CBX7: variants seen among roughly 807,000 people sequenced by gnomAD.
CBX7 encodes chromobox 7, also known as chromobox protein homolog 7.
CBX7 carries 14 observed loss-of-function variants against 31.4 expected under a neutral mutation model. The observed-to-expected ratio is 0.45, with a 90% CI of 0.29 to 0.70. CBX7 has a LOEUF of 0.70. Among genes scored for constraint, CBX7 ranks in the 30% least tolerant of loss-of-function variants. CBX7 has a pLI of 0.11. For synonymous variants in CBX7, 159 were observed against 152.6 expected (o/e 1.04, Z -0.31); for missense variants, 269 against 351.9 (o/e 0.76, Z 1.89).
chr22:39,149,607 A>G (rs1211701149), intron 2 of CBX7, 182 bp downstream of exon 2: 3 of 621,842 alleles, frequency 4.8e-6, no homozygotes, highest in Non-Finnish European at 8.6e-6. Context: ...ACCCACCTTG[A>G]CCCTCCTGTG....
chr22:39,133,846 C>T lies in CBX7; in HGVS notation c.*45G>A, dbSNP rs1930135125. 1.3e-6 allele frequency: 2 copies of T among 1,521,752 alleles called. No homozygotes were observed. Among genetic ancestry groups the T allele is most frequent in the Non-Finnish European group, 1.8e-6 (2 of 1,126,512 alleles). 94.3% of individuals were successfully genotyped at this position (1,521,752 alleles called of 1,614,324 possible). A position where few individuals can be genotyped will look rare whatever the true frequency, so the allele number is the denominator to read the frequency against. On this transcript the variant is annotated 3_prime_UTR_variant, in exon 6 of 6. Coordinates refer to ENST00000216133, the MANE Select transcript of CBX7 (RefSeq NM_175709.5). ...CCATCCCTATCTCTGGAAGTCCCACCCCAAGCCCAAAAGAAAACAGTTTAA... is the reference window on the plus strand; with the variant it reads ...CCATCCCTATCTCTGGAAGTCCCACTCCAAGCCCAAAAGAAAACAGTTTAA...
At chr22:39,151,309 G>A (rs543728864) in intron 1 of CBX7, among the ~76,000 whole-genome samples, 9 of 151,934 alleles carry the variant, frequency 5.9e-5, no homozygotes, top group African/African-American at 1.4e-4. Flanking sequence ...AGGAAGAAAA[G>A]ATGCTCCTGA....
rs1276448152 is a variant in CBX7 at position 39,132,866 on chromosome 22, G to A, written c.*1025C>T. On this transcript the variant is annotated 3_prime_UTR_variant, in exon 6 of 6. Transcript: ENST00000216133. ...AAAGAACAAGAACCCCTCACGGGAG[G>A]AAGGACAGGGTCCAGACGTCTCAAA... 1 of 152,630 alleles carries A rather than the reference G, an allele frequency of 6.6e-6. No individual in the cohort carries two copies. The highest frequency in any genetic ancestry group is 2.4e-5 in the African/African-American group (1 of 41,430). The allele number at this position is 152,630 out of a possible 1,614,324, so 9.5% of individuals were successfully genotyped here.
At position 39,131,080 on chromosome 22, in the gene CBX7, G is replaced by A. The variant is rs1387339104; in HGVS notation, c.*2811C>T. Reference sequence around the variant, plus strand: ...CCTGGTGGCCGCAGCTGGCCACTTCGAAAGCAAAAGCTAAACCACCTCACA... The same window carrying A: ...CCTGGTGGCCGCAGCTGGCCACTTCAAAAGCAAAAGCTAAACCACCTCACA... On this transcript the variant is annotated 3_prime_UTR_variant, in exon 6 of 6. Coordinates refer to ENST00000216133, the MANE Select transcript of CBX7 (RefSeq NM_175709.5). 1.3e-5 allele frequency: 2 copies of A among 152,596 alleles called. No individual in the cohort carries two copies. Among genetic ancestry groups the A allele is most frequent in the East Asian group, 3.9e-4 (2 of 5,186 alleles). 9.5% of individuals were successfully genotyped at this position (152,596 alleles called of 1,614,324 possible). A position where few individuals can be genotyped will look rare whatever the true frequency, so the allele number is the denominator to read the frequency against.
rs937692755 is a variant in CBX7 at position 39,132,654 on chromosome 22, G to C, written c.*1237C>G. 6.5e-6 allele frequency: 1 copy of C among 152,946 alleles called. No individual in the cohort carries two copies. Among genetic ancestry groups the C allele is most frequent in the African/African-American group, 2.4e-5 (1 of 41,462 alleles). The allele number at this position is 152,946 out of a possible 1,614,324, so 9.5% of individuals were successfully genotyped here. ...AGGAATACAGCTCAGCCCCAGCTGT[G>C]GCATTTAGGTTGGATGGGGAGGGGA... On this transcript the variant is annotated 3_prime_UTR_variant, in exon 6 of 6. Coordinates refer to ENST00000216133, the MANE Select transcript of CBX7 (RefSeq NM_175709.5).
intron 1 of CBX7, among the ~76,000 whole-genome samples, chr22:39,151,172 A>C (rs1930837251): frequency 6.6e-6 from 1 of 152,274 alleles, no homozygotes; most frequent in South Asian, 2.1e-4. Context: ...CAGGCTACAC[A>C]GCACGAAAAG....
chr22:39,141,867 G>A (rs9622960), intron 2 of CBX7, among the ~76,000 whole-genome samples: 12,122 of 152,154 alleles, frequency 0.08, 593 homozygotes, highest in African/African-American at 0.13. Context: ...AGGTGTCATT[G>A]TCACCTACTT....
At chr22:39,136,929 C>G (rs375479195) in intron 4 of CBX7, among the ~76,000 whole-genome samples, 1 of 152,194 alleles carries the variant, frequency 6.6e-6, no homozygotes, top group Admixed American at 6.5e-5. Flanking sequence ...AGGCCCACCC[C>G]CTCTGGCGAA....
Position 39,135,022 on chromosome 22 carries a change from A to C in CBX7, c.247-270T>G, listed in dbSNP as rs1472509420. On this transcript the variant is annotated intron_variant, in intron 4 of 5. Coordinates refer to ENST00000216133, the MANE Select transcript of CBX7 (RefSeq NM_175709.5). The stretch of plus-strand genomic sequence containing the variant: ...TTACTCCTTTGATACCCAGCAGAGA[A>C]GCATACAAGAAGGACAAACTGAAAA... 3.5e-5 allele frequency: 15 copies of C among 426,810 alleles called. No homozygotes were observed. In the East Asian group the frequency reaches 5.0e-4, roughly 14 times the overall value. The allele number at this position is 426,810 out of a possible 1,614,324, so 26.4% of individuals were successfully genotyped here. A position where few individuals can be genotyped will look rare whatever the true frequency, so the allele number is the denominator to read the frequency against.
In CBX7 at chr22:39,152,489, G is replaced by A. The variant is rs1398834270; in HGVS notation, c.-45C>T. The A allele has an allele frequency of 2.2e-6, 2 of 890,598 alleles. No homozygotes were observed. Among genetic ancestry groups the A allele is most frequent in the Non-Finnish European group, 2.7e-6 (2 of 738,832 alleles). The allele number at this position is 890,598 out of a possible 1,614,324, so 55.2% of individuals were successfully genotyped here. ...GGCCCGGGGCCGGGCCGGGCCGGGG[G>A]CGGAGCTGCGGGGCCGCGGCTGCGG... On this transcript the variant is annotated 5_prime_UTR_variant, in exon 1 of 6. Coordinates refer to ENST00000216133, the MANE Select transcript of CBX7 (RefSeq NM_175709.5). This position sits in a 1 kb window ranked among gnomAD's most constrained non-coding sequence, Gnocchi z 4.9.
chr22:39,138,612 G>A (rs1930339716), intron 4 of CBX7, 24 bp downstream of exon 4: 2 of 1,612,800 alleles, frequency 1.2e-6, no homozygotes. Context: ...GGGGAGAAAG[G>A]AGGCACAAAG....
chr22:39,137,930 C>T (rs1182630146), intron 4 of CBX7, among the ~76,000 whole-genome samples: 1 of 152,012 alleles, frequency 6.6e-6, no homozygotes, highest in African/African-American at 2.4e-5. Flanking sequence ...GCCTGTAATC[C>T]CAGCACTTTG....
chr22:39,144,602 C>T (rs1178414510), intron 2 of CBX7, among the ~76,000 whole-genome samples: 1 of 152,214 alleles, frequency 6.6e-6, no homozygotes, highest in Non-Finnish European at 1.5e-5. Flanking sequence ...GGCTGGCAGA[C>T]ACTCTAACCC....
intron 2 of CBX7, among the ~76,000 whole-genome samples, chr22:39,144,928 G>A (rs1366437589): frequency 6.6e-6 from 1 of 152,208 alleles, no homozygotes. Flanking sequence ...CACGGAGGTT[G>A]GGCAGCCAGC....
At chr22:39,141,129 G>A (rs1930439764) in intron 3 of CBX7, 3 of 490,292 alleles carry the variant, frequency 6.1e-6, no homozygotes, top group Admixed American at 3.7e-5. Flanking sequence ...ACAGCAGAGA[G>A]ACTGAGGCCC....
In CBX7 at chr22:39,152,581, G is replaced by GCGCACA. The variant is rs1930905637; in HGVS notation, c.-143_-138dup. 5.8e-6 allele frequency: 1 copy of GCGCACA among 171,438 alleles called. No individual in the cohort carries two copies. Among genetic ancestry groups the GCGCACA allele is most frequent in the Admixed American group, 6.7e-5 (1 of 14,964 alleles). 10.6% of individuals were successfully genotyped at this position (171,438 alleles called of 1,614,324 possible). A position where few individuals can be genotyped will look rare whatever the true frequency, so the allele number is the denominator to read the frequency against. ...CGGGCGCGCACGCGCACGCGCACGCGCGCACACCCCCTCGCGCTCCCTCAC... is the reference window on the plus strand; with the variant it reads ...CGGGCGCGCACGCGCACGCGCACGCGCGCACACGCACACCCCCTCGCGCTCCCTCAC... On this transcript the variant is annotated 5_prime_UTR_variant, in exon 1 of 6. Transcript: ENST00000216133. This position sits in a 1 kb window ranked among gnomAD's most constrained non-coding sequence, Gnocchi z 4.9.
intron 4 of CBX7, among the ~76,000 whole-genome samples, chr22:39,138,178 G>A (rs1403536206): frequency 6.3e-5 from 8 of 127,044 alleles, no homozygotes; most frequent in South Asian, 2.5e-4. Flanking sequence ...GCGAGACTCC[G>A]TCTCAAAAAA....
chr22:39,134,543 C>G lies in CBX7; in HGVS notation c.456G>C (p.Ser152=). 6.2e-7 allele frequency: 1 copy of G among 1,610,164 alleles called. No homozygotes were observed. The highest frequency in any genetic ancestry group is 8.5e-7 in the Non-Finnish European group (1 of 1,178,778). The change falls in exon 5 of 6, where the codon TCG becomes TCC. Residue 152 remains serine (S), a synonymous_variant. Transcript: ENST00000216133. ...GCCCGCGGGGCGGGAACTTCTTGCGCGAGAGCCGCAGGTACTTGTGGGCCT... is the reference window on the plus strand; with the variant it reads ...GCCCGCGGGGCGGGAACTTCTTGCGGGAGAGCCGCAGGTACTTGTGGGCCT... ...PRKAHKYLRL[S]RKKFPPRGPN...
At chr22:39,142,208 T>C (rs1930483675) in intron 2 of CBX7, among the ~76,000 whole-genome samples, 1 of 152,164 alleles carries the variant, frequency 6.6e-6, no homozygotes, top group African/African-American at 2.4e-5. Context: ...ATGAGATGTG[T>C]ATTCCAAGTG....
Sources: allele counts gnomAD v4.1 joint callset (sites outside exome capture counted in the v4.1 genomes callset), GRCh38; gene constraint gnomAD v4.1.1; non-coding constraint Gnocchi (gnomAD v3.1); transcripts MANE v1.5; gene names NCBI Gene and HGNC (gene_info 2026-07-23, HGNC 2026-07-21).